Variants in RNF213 observed in about 807,000 individuals in gnomAD.
The protein encoded by RNF213 is ring finger protein 213.
In RNF213, 341 loss-of-function variants were observed where a neutral mutation model predicts 514.4. The ratio of observed to expected loss-of-function variants is 0.66; its 90% CI spans 0.61 to 0.73. The LOEUF (loss-of-function observed/expected upper bound fraction) is 0.73, where lower values mean the gene tolerates loss of function less well. RNF213 is among the 30% of genes least tolerant of loss of function. The pLI is 0.00. For synonymous variants in RNF213, 2,655 were observed against 2,658.2 expected (o/e 1.00, Z 0.04); for missense variants, 5,767 against 6,615.6 (o/e 0.87, Z 4.45).
chr17:80,287,410 G>T (rs1568013195), intron 3 of RNF213, among the ~76,000 whole-genome samples: 1 of 152,250 alleles, frequency 6.6e-6, no homozygotes, highest in Non-Finnish European at 1.5e-5. Flanking sequence ...GGTTGATGGG[G>T]GAGGATCACT....
At chr17:80,334,339 C>T in intron 22 of RNF213, 69 bp downstream of exon 22, 1 of 1,450,680 alleles carries the variant, frequency 6.9e-7, no homozygotes. Context: ...GTGTGGCGTT[C>T]CTAAACTCTT....
chr17:80,324,593 C>T (rs992142668), intron 17 of RNF213, among the ~76,000 whole-genome samples: 42 of 151,442 alleles, frequency 2.8e-4, no homozygotes, highest in African/African-American at 7.8e-4. Context: ...TATTGTTTCT[C>T]GGAGGAGAAT....
chr17:80,327,667 G>A (rs1008017283), intron 18 of RNF213, 149 bp from the exon 19 acceptor site: 1 of 646,054 alleles, frequency 1.5e-6, no homozygotes, highest in Admixed American at 3.0e-5. Flanking sequence ...GGAGTGGAAT[G>A]ATTGGCGCAT....
intron 18 of RNF213, among the ~76,000 whole-genome samples, chr17:80,326,363 T>G (rs571629492): frequency 1.3e-5 from 2 of 152,132 alleles, no homozygotes; most frequent in South Asian, 4.1e-4. Flanking sequence ...GTACAGAGAG[T>G]TGTCATCTAT....
chr17:80,344,911 C>G lies in RNF213; in HGVS notation c.6576C>G (p.Gly2192=), dbSNP rs777512216. The G allele has an allele frequency of 6.2e-7, 1 of 1,614,060 alleles. No individual in the cohort carries two copies. ...TFQYQEGSVE[G]TPEECLQHFL... ...AGTATCAAGAAGGCTCTGTCGAAGG[C>G]ACCCCGGAGGAATGCCTCCAGCATT... The change falls in exon 29 of 68, where the codon GGC becomes GGG. Residue 2192 remains glycine, a synonymous_variant. Coordinates refer to ENST00000582970, the MANE Select transcript of RNF213 (RefSeq NM_001256071.3).
intron 46 of RNF213, 81 bp from the exon 47 acceptor site, chr17:80,371,793 C>A: frequency 1.3e-6 from 1 of 757,078 alleles, no homozygotes. Context: ...GGACAGACGA[C>A]CGATAGATAG....
At position 80,371,986 on chromosome 17, in the gene RNF213, G is replaced by A. The variant is rs745781266; in HGVS notation, c.12537+1G>A. The A allele has an allele frequency of 4.1e-6, 6 of 1,446,244 alleles. No homozygotes were observed. The highest frequency in any genetic ancestry group is 5.8e-6 in the Non-Finnish European group (6 of 1,026,990). 89.6% of individuals were successfully genotyped at this position (1,446,244 alleles called of 1,614,324 possible). A position where few individuals can be genotyped will look rare whatever the true frequency, so the allele number is the denominator to read the frequency against. On this transcript the variant is annotated splice_donor_variant, in intron 47 of 67. Transcript: ENST00000582970. LOFTEE classifies it high-confidence loss of function. Reference sequence around the variant, plus strand: ...CATGCTCTTCATCAACTGCCTGGAGGTAAGTGAACTCTCTCTTCCCTGAAT... The same window carrying A: ...CATGCTCTTCATCAACTGCCTGGAGATAAGTGAACTCTCTCTTCCCTGAAT...
chr17:80,363,773 T>A lies in RNF213; in HGVS notation c.11733T>A (p.Ala3911=). 2.5e-6 allele frequency: 4 copies of A among 1,613,446 alleles called. No individual in the cohort carries two copies. The highest frequency in any genetic ancestry group is 3.4e-6 in the Non-Finnish European group (4 of 1,179,988). Reference sequence around the variant, plus strand: ...AAGGCAGCGGGAGCCTGGCCCAGGCTGTCATCAGGGAAGTCAGGTGAGACC... The same window carrying A: ...AAGGCAGCGGGAGCCTGGCCCAGGCAGTCATCAGGGAAGTCAGGTGAGACC... ...HMQGSGSLAQ[A]VIREVRAQWS... is the part of the protein sequence containing the mutation. Residue 3911 remains alanine, a synonymous_variant, in exon 41 of 68, where the codon GCT becomes GCA. Coordinates refer to ENST00000582970, the MANE Select transcript of RNF213 (RefSeq NM_001256071.3).
intron 37 of RNF213, 106 bp from the exon 38 acceptor site, chr17:80,359,953 CCT>C: frequency 1.7e-6 from 2 of 1,166,282 alleles, no homozygotes; most frequent in Non-Finnish European, 1.3e-6. Flanking sequence ...CCTGTTGGCC[CCT>C]TTGTTTTTGA....
intron 5 of RNF213, 81 bp from the exon 6 acceptor site, chr17:80,289,577 CG>C: frequency 6.9e-7 from 1 of 1,451,234 alleles, no homozygotes; most frequent in Non-Finnish European, 9.4e-7. Flanking sequence ...GTAATAAGAG[CG>C]AGACTCTGTC....
intron 8 of RNF213, among the ~76,000 whole-genome samples, chr17:80,294,263 C>T (rs573148940): frequency 6.6e-6 from 1 of 152,330 alleles, no homozygotes; most frequent in East Asian, 1.9e-4. Context: ...CCTGCACCTT[C>T]CTCCAGGGGC....
Position 80,375,822 on chromosome 17 carries a change from G to A in RNF213, c.13137G>A (p.Val4379=). Residue 4379 remains valine (V), a synonymous_variant, in exon 51 of 68, where the codon GTG becomes GTA. Coordinates refer to ENST00000582970, the MANE Select transcript of RNF213 (RefSeq NM_001256071.3). ...AYFLLTLFRE[V]AILYRSHNAS... ...TCCTGTTAACACTGTTTAGAGAGGT[G>A]GCTATTTTGTACAGATCCCACAATG... is the stretch of plus-strand genomic sequence containing the variant. The A allele has an allele frequency of 6.2e-7, 1 of 1,614,178 alleles. No individual in the cohort carries two copies. Among genetic ancestry groups the A allele is most frequent in the Non-Finnish European group, 8.5e-7 (1 of 1,180,028 alleles).
At chr17:80,278,847 G>A in intron 3 of RNF213, 1 of 1,537,258 alleles carries the variant, frequency 6.5e-7, no homozygotes, top group Non-Finnish European at 8.7e-7. Context: ...TACCCAGCAA[G>A]AGAAGGAAGC....
Position 80,339,822 on chromosome 17 carries a change from C to T in RNF213, c.5455C>T (p.Arg1819Cys), listed in dbSNP as rs1213351282. The change falls in exon 26 of 68, where the codon CGT (arginine) becomes TGT (cysteine). Residue 1819 changes from arginine (R) to cysteine (C), a missense_variant. Arg to Cys is a radical substitution (Grantham distance 180). Around this residue, in one of 13 missense-constraint regions of RNF213, gnomAD observed 1,377 missense variants for 1,635.2 expected, o/e 0.84. Coordinates refer to ENST00000582970, the MANE Select transcript of RNF213 (RefSeq NM_001256071.3). ...LAGMGGSPVE[R>C]CLPRGLQVGQ... ...AGGGATGGGTGGGTCTCCCGTGGAG[C>T]GTTGTCTCCCGAGAGGTCTGCAGGT... is the stretch of plus-strand genomic sequence containing the variant. The T allele has an allele frequency of 9.8e-6, 15 of 1,534,656 alleles. No individual in the cohort carries two copies. Among genetic ancestry groups the T allele is most frequent in the African/African-American group, 1.4e-5 (1 of 73,076 alleles).
chr17:80,298,829 A>T (rs78297219), intron 11 of RNF213: 9 of 321,908 alleles, frequency 2.8e-5, no homozygotes, highest in Admixed American at 2.2e-4. Context: ...AAAAAAAAAA[A>T]TTAGCCAGGT....
Position 80,272,387 on chromosome 17 carries a change from G to A in RNF213, c.98-854G>A, listed in dbSNP as rs576121603. ...GTTCAGGGCCTGGCCCTGATGTCTG[G>A]TGAGGGCTTTTGTGCCACATGGCAG... On this transcript the variant is annotated intron_variant, in intron 2 of 67. Coordinates refer to ENST00000582970, the MANE Select transcript of RNF213 (RefSeq NM_001256071.3). 1.1e-4 allele frequency among the ~76,000 whole-genome samples: 17 copies of A among 152,358 alleles called. No homozygotes were observed. In the South Asian group the frequency reaches 3.3e-3, roughly 30 times the overall value.
At chr17:80,381,771 C>T (rs375988826) in intron 57 of RNF213, 44 bp downstream of exon 57, 65 of 1,573,188 alleles carry the variant, frequency 4.1e-5, no homozygotes, top group Admixed American at 1.4e-4. Context: ...CACAGCACAA[C>T]GGCAGCGCAA....
intron 42 of RNF213, among the ~76,000 whole-genome samples, chr17:80,365,765 T>C (rs1887256156): frequency 6.6e-6 from 1 of 152,112 alleles, no homozygotes; most frequent in African/African-American, 2.4e-5. Flanking sequence ...CCACACAGCA[T>C]GCAGCCTCTC....
At chr17:80,316,855 G>A (rs559563758) in intron 15 of RNF213, among the ~76,000 whole-genome samples, 2 of 152,262 alleles carry the variant, frequency 1.3e-5, no homozygotes, top group African/African-American at 4.8e-5. Flanking sequence ...ATGAATGTGG[G>A]TGGTGGTGTG....
Sources: allele counts gnomAD v4.1 joint callset (sites outside exome capture counted in the v4.1 genomes callset), GRCh38; gene constraint gnomAD v4.1.1; regional missense constraint gnomAD v4.1.1; transcripts MANE v1.5; gene names NCBI Gene and HGNC (gene_info 2026-07-23, HGNC 2026-07-21).